G6PD: variants seen among roughly 807,000 people sequenced by gnomAD.
G6PD encodes the protein glucose-6-phosphate 1-dehydrogenase.
G6PD carries 2 observed loss-of-function variants against 38.2 expected under a neutral mutation model. The observed-to-expected ratio is 0.05, with a 90% confidence interval of 0.02 to 0.16. The LOEUF (loss-of-function observed/expected upper bound fraction) is 0.16, where lower values mean the gene tolerates loss of function less well. Ranked by LOEUF, G6PD falls within the 10% of genes least tolerant of loss-of-function variation. The pLI is 1.00. For missense variants in G6PD, 310 were observed against 471.6 expected (o/e 0.66, Z 3.17); for synonymous variants, 188 against 196.0 (o/e 0.96, Z 0.34).
Position 154,532,943 on chromosome X carries a change from A to G in G6PD, c.1050T>C (p.Asp350=). The G allele has an allele frequency of 2.5e-6, 3 of 1,211,384 alleles. No homozygotes were observed. Among genetic ancestry groups the G allele is most frequent in the Non-Finnish European group, 3.4e-6 (3 of 895,314 alleles). Residue 350 remains aspartate, a splice_region_variant and synonymous_variant, in exon 9 of 13, where the codon GAT becomes GAC. Transcript: ENST00000393562. ...VVLYVENERW[D]GVPFILRCGK... ...CTGGGCCTCGAAGGCATCACCTACC[A>G]TCCCACCTCTCATTCTCCACATAGA...
rs201887787 is a variant in G6PD, at chrX:154,534,320, G to A, written c.644+18C>T. 1.7e-6 allele frequency: 2 copies of A among 1,208,639 alleles called. No homozygotes were observed. The highest frequency in any genetic ancestry group is 1.8e-5 in the African/African-American group (1 of 57,119). On this transcript the variant is annotated intron_variant, in intron 6 of 12. Transcript: ENST00000393562. ...GTACCACCCCCACCCTGGTCCCCCG[G>A]CCCAGGCTTGGCCCCACCTCAGCAC...
chrX:154,533,844 A>G (rs1557230150), intron 7 of G6PD, 175 bp from the exon 8 acceptor site: 1 of 1,188,936 alleles, frequency 8.4e-7, no homozygotes, highest in Non-Finnish European at 1.1e-6. Context: ...GCTATCACTG[A>G]ATCATAAAAC....
chrX:154,534,276 G>A, intron 6 of G6PD, 62 bp downstream of exon 6: 1 of 1,201,075 alleles, frequency 8.3e-7, no homozygotes, highest in Non-Finnish European at 1.1e-6. Flanking sequence ...GGAGGCAGTG[G>A]GCCAGGTGAG....
At chrX:154,538,208 T>C (rs1326420518) in intron 2 of G6PD, among the ~76,000 whole-genome samples, 3 of 110,685 alleles carry the variant, frequency 2.7e-5, no homozygotes, top group African/African-American at 9.9e-5. Context: ...TTGTCCAGGC[T>C]GCTCTTGAAC....
In G6PD at chrX:154,546,165, T is replaced by A; in HGVS notation, c.-8-2A>T. 1 of 1,211,562 alleles carries A rather than the reference T, an allele frequency of 8.3e-7. No individual in the cohort carries two copies. On this transcript the variant is annotated splice_acceptor_variant, in intron 1 of 12. Coordinates refer to ENST00000393562, the MANE Select transcript of G6PD (RefSeq NM_001360016.2). LOFTEE classifies it low-confidence loss of function (5UTR_SPLICE). ...CCACCTGCTCTGCCATGACGCTGTC[T>A]GGTGGAAGAAAGGCTCGTTAACAAG...
At chrX:154,540,795 C>G (rs1557231700) in intron 2 of G6PD, among the ~76,000 whole-genome samples, 1 of 111,825 alleles carries the variant, frequency 8.9e-6, no homozygotes, top group East Asian at 2.8e-4. Flanking sequence ...ACAGGGCTTC[C>G]AGGAGGGCAA....
intron 6 of G6PD, 69 bp downstream of exon 6, chrX:154,534,269 G>A (rs1557230284): frequency 3.3e-6 from 4 of 1,200,883 alleles, no homozygotes; most frequent in African/African-American, 1.8e-5. Context: ...TCCTCGGGGA[G>A]GCAGTGGGCC....
intron 2 of G6PD, among the ~76,000 whole-genome samples, chrX:154,542,995 GA>G (rs1354393848): frequency 5.1e-4 from 57 of 112,157 alleles, no homozygotes; most frequent in African/African-American, 1.5e-3. Flanking sequence ...TGCTTTCCTG[GA>G]ACAGCAGATT....
At position 154,531,942 on chromosome X, in the gene G6PD, G is replaced by A; in HGVS notation, c.*58C>T. ...ATGGTCCCGGAGTCCTCCCGACTCGGGGTCGGGCGGCGGGAAGGAGGGTGG... is the reference window on the plus strand; with the variant it reads ...ATGGTCCCGGAGTCCTCCCGACTCGAGGTCGGGCGGCGGGAAGGAGGGTGG... On this transcript the variant is annotated 3_prime_UTR_variant, in exon 13 of 13. Coordinates refer to ENST00000393562, the MANE Select transcript of G6PD (RefSeq NM_001360016.2). 5.1e-6 allele frequency: 6 copies of A among 1,183,555 alleles called. No homozygotes were observed. The highest frequency in any genetic ancestry group is 6.8e-6 in the Non-Finnish European group (6 of 881,044).
chrX:154,546,825 C>T lies in G6PD; in HGVS notation c.-45G>A. On this transcript the variant is annotated 5_prime_UTR_variant, in exon 1 of 13. Transcript: ENST00000393562. ...CGTCGTCGCCCTCCGCGCTCGCAGCCCCGAAGTGTACGACCGTTTCCGGGG... is the reference window on the plus strand; with the variant it reads ...CGTCGTCGCCCTCCGCGCTCGCAGCTCCGAAGTGTACGACCGTTTCCGGGG... The T allele has an allele frequency of 8.6e-7, 1 of 1,160,782 alleles. No individual in the cohort carries two copies. Among genetic ancestry groups the T allele is most frequent in the Non-Finnish European group, 1.1e-6 (1 of 872,580 alleles).
intron 2 of G6PD, among the ~76,000 whole-genome samples, chrX:154,544,555 A>G (rs2070636552): frequency 8.9e-6 from 1 of 112,399 alleles, no homozygotes. Context: ...TCGGCCTCCC[A>G]AAGTGCTGGG....
At position 154,546,062 on chromosome X, in the gene G6PD, G is replaced by A. The variant is rs2070702973; in HGVS notation, c.94C>T (p.His32Tyr). The A allele has an allele frequency of 1.7e-6, 2 of 1,211,305 alleles. No individual in the cohort carries two copies. The highest frequency in any genetic ancestry group is 3.5e-5 in the African/African-American group (2 of 57,765). The change falls in exon 2 of 13, where the codon CAC (histidine) becomes TAC (tyrosine). Residue 32 changes from histidine to tyrosine, a missense_variant. Coordinates refer to ENST00000393562, the MANE Select transcript of G6PD (RefSeq NM_001360016.2). ...GATGCACCCATGATGATGAATATGT[G>A]TGTATCCGACTGATGGAAGGCATCG... The part of the protein sequence containing the change: ...QGDAFHQSDT[H>Y]IFIIMGASGD...
chrX:154,540,620 A>G (rs1361698796), intron 2 of G6PD, among the ~76,000 whole-genome samples: 1 of 95,354 alleles, frequency 1.0e-5, no homozygotes, highest in African/African-American at 3.6e-5. Context: ...CCTGGGTGAC[A>G]GCAAGACTCC....
chrX:154,532,149 C>T, intron 12 of G6PD, 39 bp downstream of exon 12: 2 of 1,200,625 alleles, frequency 1.7e-6, no homozygotes, highest in South Asian at 3.6e-5. Context: ...CCCGCCCCTG[C>T]CCGCTGGGCT....
At position 154,535,744 on chromosome X, in the gene G6PD, A is replaced by G. The variant is rs1364750923; in HGVS notation, c.267+193T>C. On this transcript the variant is annotated intron_variant, in intron 4 of 12. Transcript: ENST00000393562. Reference sequence around the variant, plus strand: ...CGGAGAAAACGCAGCAGAGCACAGCAGGAGGGGACCTGTGGGTCCTGGTCA... The same window carrying G: ...CGGAGAAAACGCAGCAGAGCACAGCGGGAGGGGACCTGTGGGTCCTGGTCA... 6.2e-6 allele frequency: 3 copies of G among 481,434 alleles called. No individual in the cohort carries two copies. In the African/African-American group the frequency reaches 7.1e-5, roughly 11 times the overall value. The allele number at this position is 481,434 out of a possible 1,213,427, so 39.7% of individuals were successfully genotyped here.
intron 2 of G6PD, among the ~76,000 whole-genome samples, chrX:154,539,784 G>A (rs1410496129): frequency 9.1e-6 from 1 of 110,124 alleles, no homozygotes; most frequent in Non-Finnish European, 1.9e-5. Context: ...GTGCAGTGGC[G>A]TGATCTTGGC....
chrX:154,532,361 G>C (rs1292829994), intron 11 of G6PD, 25 bp downstream of exon 11: 2 of 1,208,771 alleles, frequency 1.7e-6, no homozygotes, highest in Admixed American at 4.4e-5. Context: ...CCACAGGTAT[G>C]CAGGGGCCGG....
intron 2 of G6PD, chrX:154,545,824 A>C: frequency 2.4e-6 from 1 of 417,769 alleles, no homozygotes; most frequent in East Asian, 4.3e-5. Flanking sequence ...GACCAGAGCA[A>C]AACTCCGTCT....
At position 154,531,616 on chromosome X, in the gene G6PD, G is replaced by C. The variant is rs1002971500; in HGVS notation, c.*384C>G. 7 of 252,552 alleles carry C rather than the reference G, an allele frequency of 2.8e-5. No homozygotes were observed. Among genetic ancestry groups the C allele is most frequent in the Admixed American group, 6.1e-5 (1 of 16,451 alleles). 20.8% of individuals were successfully genotyped at this position (252,552 alleles called of 1,213,427 possible). ...CAAGGCCACAGGCAGATTCTCTCACGTGGGTGCTCGCCCCTTTCCTCCCCC... is the reference window on the plus strand; with the variant it reads ...CAAGGCCACAGGCAGATTCTCTCACCTGGGTGCTCGCCCCTTTCCTCCCCC... On this transcript the variant is annotated 3_prime_UTR_variant, in exon 13 of 13. Coordinates refer to ENST00000393562, the MANE Select transcript of G6PD (RefSeq NM_001360016.2).
Sources: gnomAD v4.1 joint callset for allele counts (sites outside exome capture counted in the v4.1 genomes callset) on GRCh38, gnomAD v4.1.1 for gene constraint, MANE v1.5 for transcripts, NCBI Gene and HGNC (gene_info 2026-07-23, HGNC 2026-07-21) for gene names.